Variants in OR2T33 observed in about 807,000 individuals in gnomAD.
OR2T33 encodes olfactory receptor 2T33.
A neutral mutation model predicts 14.0 loss-of-function variants in OR2T33; 10 were observed. That is an observed-to-expected ratio of 0.72 (90% CI 0.44 to 1.22). The LOEUF (loss-of-function observed/expected upper bound fraction) is 1.22, where lower values mean the gene tolerates loss of function less well. Ranked by LOEUF, OR2T33 falls within the 50% of genes most tolerant of loss-of-function variation. OR2T33 has a pLI of 0.00. For missense variants in OR2T33, 276 were observed against 405.9 expected, an observed-to-expected ratio of 0.68 and a Z score of 2.75; for synonymous variants, 103 against 159.4, an observed-to-expected ratio of 0.65 and a Z score of 2.66.
At position 248,273,152 on chromosome 1, in the gene OR2T33, A is replaced by G; in HGVS notation, c.663T>C (p.Ala221=). 1 of 1,610,972 alleles carries G rather than the reference A, an allele frequency of 6.2e-7. No homozygotes were observed. The highest frequency in any genetic ancestry group is 1.3e-5 in the African/African-American group (1 of 74,786). Residue 221 remains alanine (A), a synonymous_variant, in exon 2 of 2, where the codon GCT becomes GCC. Coordinates refer to ENST00000641220, the MANE Select transcript of OR2T33 (RefSeq NM_001004695.2). ...CTGTAGAGCGCATGTGCAGAACAGC[A>G]GCGAGGATGAGACCATAGGAGGACA... ...LILSSYGLIL[A]AVLHMRSTEA...
In OR2T33 at chr1:248,272,563, C is replaced by T; in HGVS notation, c.*289G>A. The T allele has an allele frequency of 3.0e-6, 1 of 329,306 alleles. No individual in the cohort carries two copies. 20.4% of individuals were successfully genotyped at this position (329,306 alleles called of 1,614,324 possible). A position where few individuals can be genotyped will look rare whatever the true frequency, so the allele number is the denominator to read the frequency against. On this transcript the variant is annotated 3_prime_UTR_variant, in exon 2 of 2. Coordinates refer to ENST00000641220, the MANE Select transcript of OR2T33 (RefSeq NM_001004695.2). ...GAAATTGGGAACAATATTTACCTTTCCATGCATTAATTTCTTTTTTTAGAA... is the reference window on the plus strand; with the variant it reads ...GAAATTGGGAACAATATTTACCTTTTCATGCATTAATTTCTTTTTTTAGAA...
At position 248,270,473 on chromosome 1, in the gene OR2T33, C is replaced by T. The variant is rs139790733; in HGVS notation, c.*2379G>A. 4.6e-5 allele frequency: 7 copies of T among 152,114 alleles called. No homozygotes were observed. The highest frequency in any genetic ancestry group is 9.6e-5 in the African/African-American group (4 of 41,502). 9.4% of individuals were successfully genotyped at this position (152,114 alleles called of 1,614,324 possible). ...TAAAAGCTCATATCTTTTATGATTC[C>T]GTTTACATAAAATATCTACAGTAGA... On this transcript the variant is annotated 3_prime_UTR_variant, in exon 2 of 2. Transcript: ENST00000641220.
At position 248,274,430 on chromosome 1, in the gene OR2T33, C is replaced by G. The variant is rs538299581; in HGVS notation, c.-8-608G>C. Among the ~76,000 whole-genome samples the G allele has an allele frequency of 9.8e-5, 15 of 152,306 alleles. 1 individual carries two copies. In the South Asian group the frequency reaches 3.1e-3, roughly 32 times the overall value. On this transcript the variant is annotated intron_variant, in intron 1 of 1. Transcript: ENST00000641220. ...TTTCCTTCCTCCCACTACATACCTTCTTAGTTGTCTTACTGTTAAATGCAG... is the reference window on the plus strand; with the variant it reads ...TTTCCTTCCTCCCACTACATACCTTGTTAGTTGTCTTACTGTTAAATGCAG...
At chr1:248,277,510 G>C (rs1305098330) in intron 1 of OR2T33, among the ~76,000 whole-genome samples, 1 of 152,100 alleles carries the variant, frequency 6.6e-6, no homozygotes, top group Non-Finnish European at 1.5e-5. Context: ...TCAATCATTT[G>C]ACTTAATTAA....
chr1:248,276,693 C>A (rs1420335006), intron 1 of OR2T33, among the ~76,000 whole-genome samples: 1 of 151,904 alleles, frequency 6.6e-6, no homozygotes, highest in African/African-American at 2.4e-5. Context: ...ATAAATAAAC[C>A]AGCATCATCC....
In OR2T33 at chr1:248,272,751, T is replaced by C; in HGVS notation, c.*101A>G. On this transcript the variant is annotated 3_prime_UTR_variant, in exon 2 of 2. Coordinates refer to ENST00000641220, the MANE Select transcript of OR2T33 (RefSeq NM_001004695.2). ...TCTTAAAAATATCCTATTATATCAA[T>C]GCAAAAACTTAATTTTCTCTGCATG... 1 of 1,430,142 alleles carries C rather than the reference T, an allele frequency of 7.0e-7. No individual in the cohort carries two copies. The highest frequency in any genetic ancestry group is 9.5e-7 in the Non-Finnish European group (1 of 1,057,040). 88.6% of individuals were successfully genotyped at this position (1,430,142 alleles called of 1,614,324 possible). A position where few individuals can be genotyped will look rare whatever the true frequency, so the allele number is the denominator to read the frequency against.
rs756350138 is a variant in OR2T33, at chr1:248,272,978, G to A, written c.837C>T (p.Phe279=). 7 of 1,614,088 alleles carry A rather than the reference G, an allele frequency of 4.3e-6. No homozygotes were observed. The South Asian group carries it at 6.6e-5, about 15-fold the overall frequency. The part of the protein sequence containing the change: ...DKVVSAFYTM[F]TPLLNPLIYS... ...AGATGAGGGGGTTTAGTAAAGGGGTGAACATAGTATAGAAGGCTGACACAA... is the reference window on the plus strand; with the variant it reads ...AGATGAGGGGGTTTAGTAAAGGGGTAAACATAGTATAGAAGGCTGACACAA... Residue 279 remains phenylalanine (F), a synonymous_variant, in exon 2 of 2, where the codon TTC becomes TTT. Transcript: ENST00000641220.
chr1:248,276,322 A>G (rs1236530387), intron 1 of OR2T33, among the ~76,000 whole-genome samples: 4 of 152,208 alleles, frequency 2.6e-5, no homozygotes, highest in South Asian at 2.1e-4. Flanking sequence ...TGATTTTTGC[A>G]TATAACAGAG....
At chr1:248,277,565 CAG>C (rs1187198163) in intron 1 of OR2T33, among the ~76,000 whole-genome samples, 198 bp downstream of exon 1, 4 of 152,082 alleles carry the variant, frequency 2.6e-5, no homozygotes, top group African/African-American at 9.7e-5. Context: ...TGGGTAGACA[CAG>C]ACTGCATCTT....
intron 1 of OR2T33, among the ~76,000 whole-genome samples, chr1:248,277,534 G>T (rs1659461191): frequency 6.6e-6 from 1 of 152,022 alleles, no homozygotes; most frequent in South Asian, 2.1e-4. Context: ...CTTTATTCAA[G>T]AATTTTTGGC....
rs76644006 is a variant in OR2T33, at chr1:248,276,544, T to C, written c.-9+1221A>G. ...AAGATCTGAAAATTCTTAGATTCTCTAAATGCTTATACTTTTTCATTCTGA... is the reference window on the plus strand; with the variant it reads ...AAGATCTGAAAATTCTTAGATTCTCCAAATGCTTATACTTTTTCATTCTGA... On this transcript the variant is annotated intron_variant, in intron 1 of 1. Coordinates refer to ENST00000641220, the MANE Select transcript of OR2T33 (RefSeq NM_001004695.2). Among the ~76,000 whole-genome samples the C allele has an allele frequency of 4.8e-3, 727 of 152,272 alleles. 10 individuals carry two copies. The highest frequency in any genetic ancestry group is 0.017 in the African/African-American group (695 of 41,560).
chr1:248,274,200 C>G (rs1248291238), intron 1 of OR2T33, among the ~76,000 whole-genome samples: 1 of 152,026 alleles, frequency 6.6e-6, no homozygotes. Context: ...TTAAAAGTGT[C>G]TCATTTAGAT....
At position 248,271,487 on chromosome 1, in the gene OR2T33, A is replaced by C. The variant is rs992015569; in HGVS notation, c.*1365T>G. The C allele has an allele frequency of 6.6e-6, 1 of 152,208 alleles. No homozygotes were observed. The highest frequency in any genetic ancestry group is 1.5e-5 in the Non-Finnish European group (1 of 68,032). The allele number at this position is 152,208 out of a possible 1,614,324, so 9.4% of individuals were successfully genotyped here. ...TTCATCCTCAAGTCTTCCAAGGAGA[A>C]AAGAGTTACTGAATAACCTTCTCTT... is the stretch of plus-strand genomic sequence containing the variant. On this transcript the variant is annotated 3_prime_UTR_variant, in exon 2 of 2. Coordinates refer to ENST00000641220, the MANE Select transcript of OR2T33 (RefSeq NM_001004695.2).
At chr1:248,274,029 G>A (rs561606340) in intron 1 of OR2T33, among the ~76,000 whole-genome samples, 2 of 152,190 alleles carry the variant, frequency 1.3e-5, no homozygotes, top group East Asian at 1.9e-4. Context: ...AACTGAGATC[G>A]TGTACTACAA....
rs1183246905 is a variant in OR2T33 at position 248,270,839 on chromosome 1, A to G, written c.*2013T>C. 6.6e-6 allele frequency: 1 copy of G among 152,150 alleles called. No individual in the cohort carries two copies. The highest frequency in any genetic ancestry group is 1.5e-5 in the Non-Finnish European group (1 of 68,012). 9.4% of individuals were successfully genotyped at this position (152,150 alleles called of 1,614,324 possible). On this transcript the variant is annotated 3_prime_UTR_variant, in exon 2 of 2. Transcript: ENST00000641220. ...GCTCTGAAAAATATACCATTAAAATAACAAACAGGCTAGCCAAAAAGCAGG... is the reference window on the plus strand; with the variant it reads ...GCTCTGAAAAATATACCATTAAAATGACAAACAGGCTAGCCAAAAAGCAGG...
At position 248,270,081 on chromosome 1, in the gene OR2T33, A is replaced by G. The variant is rs950075232; in HGVS notation, c.*2771T>C. ...TGGCACATATATACCATGGAATACT[A>G]TGCAGCCATAAAAAAGGATGAGTTC... On this transcript the variant is annotated 3_prime_UTR_variant, in exon 2 of 2. Coordinates refer to ENST00000641220, the MANE Select transcript of OR2T33 (RefSeq NM_001004695.2). 2.0e-5 allele frequency: 3 copies of G among 152,210 alleles called. No homozygotes were observed. Among genetic ancestry groups the G allele is most frequent in the Non-Finnish European group, 4.4e-5 (3 of 68,046 alleles). The allele number at this position is 152,210 out of a possible 1,614,324, so 9.4% of individuals were successfully genotyped here.
chr1:248,270,997 C>T lies in OR2T33; in HGVS notation c.*1855G>A, dbSNP rs1472568386. On this transcript the variant is annotated 3_prime_UTR_variant, in exon 2 of 2. Coordinates refer to ENST00000641220, the MANE Select transcript of OR2T33 (RefSeq NM_001004695.2). ...TATAAAGATACTCTTCTTAAAATTA[C>T]ATATATCAATGACTGGTCAGCATCT... 4 of 152,042 alleles carry T rather than the reference C, an allele frequency of 2.6e-5. No homozygotes were observed. The highest frequency in any genetic ancestry group is 9.7e-5 in the African/African-American group (4 of 41,420). 9.4% of individuals were successfully genotyped at this position (152,042 alleles called of 1,614,324 possible).
At chr1:248,276,912 C>G (rs1235449361) in intron 1 of OR2T33, among the ~76,000 whole-genome samples, 1 of 151,660 alleles carries the variant, frequency 6.6e-6, no homozygotes, top group Non-Finnish European at 1.5e-5. Context: ...AAATATACAG[C>G]TATATTTATT....
At chr1:248,274,158 T>C (rs1659423533) in intron 1 of OR2T33, among the ~76,000 whole-genome samples, 1 of 152,196 alleles carries the variant, frequency 6.6e-6, no homozygotes, top group Non-Finnish European at 1.5e-5. Context: ...TTTTGTTATG[T>C]ATACTGATGG....
Sources: allele counts gnomAD v4.1 joint callset (sites outside exome capture counted in the v4.1 genomes callset), GRCh38; gene constraint gnomAD v4.1.1; transcripts MANE v1.5; gene names NCBI Gene and HGNC (gene_info 2026-07-23, HGNC 2026-07-21).